The following DCAF8L2 variants were observed in gnomAD, a reference collection of about 807,000 sequenced individuals.
The protein encoded by DCAF8L2 is DDB1- and CUL4-associated factor 8-like protein 2.
For missense variants in DCAF8L2, 430 were observed against 490.7 expected (o/e 0.88, Z 1.17); for synonymous variants, 200 against 190.9 (o/e 1.05, Z -0.39).
At chrX:27,728,219 C>T (rs1235751748) in intron 4 of DCAF8L2, among the ~76,000 whole-genome samples, 2 of 111,517 alleles carry the variant, frequency 1.8e-5, no homozygotes, top group Non-Finnish European at 3.8e-5. Context: ...CCTTTTACCC[C>T]CTGCGTGAAT....
At chrX:27,487,952 A>G in the DCAF8L2 span, among the ~76,000 whole-genome samples, 1 of 112,261 alleles carries the variant, frequency 8.9e-6, no homozygotes. Flanking sequence ...GGACTTGGCT[A>G]TTATGAATAA....
intron 1 of DCAF8L2, among the ~76,000 whole-genome samples, chrX:27,614,875 A>G (rs751174316): frequency 1.8e-5 from 2 of 111,086 alleles, no homozygotes; most frequent in South Asian, 7.6e-4. Flanking sequence ...ATTTCCAACT[A>G]TGTGGTCAAT....
chrX:27,500,902 G>A, the DCAF8L2 span, among the ~76,000 whole-genome samples: 9 of 111,154 alleles, frequency 8.1e-5, no homozygotes, highest in East Asian at 2.6e-3. Context: ...TTGAGAGAAG[G>A]GAGTTTGTTT....
rs1555930604 is a variant in DCAF8L2, at chrX:27,704,179, T to TAC, written c.-142-11899_-142-11898dup. 4.7e-5 allele frequency among the ~76,000 whole-genome samples: 4 copies of TAC among 85,547 alleles called. 1 individual carries two copies. The highest frequency in any genetic ancestry group is 9.7e-5 in the African/African-American group (2 of 20,706). 74.3% of individuals were successfully genotyped at this position (85,547 alleles called of 115,157 possible). On this transcript the variant is annotated intron_variant, in intron 3 of 4. Coordinates refer to ENST00000451261, the MANE Select transcript of DCAF8L2 (RefSeq NM_001353450.2). ...GTATATATATATATATATATACATA[T>TAC]ACACACACACATATGTATATACACA...
chrX:27,740,606 T>C lies in DCAF8L2; in HGVS notation c.-58-6232T>C, dbSNP rs1362413283. On this transcript the variant is annotated intron_variant, in intron 4 of 4. Transcript: ENST00000451261. The stretch of plus-strand genomic sequence containing the variant: ...TCTCCCTAAAGCTTGCTTGTACTGC[T>C]TCAATCACAGCCTCCTTGAAGTTCC... Among the ~76,000 whole-genome samples the C allele has an allele frequency of 4.5e-5, 5 of 111,889 alleles. No individual in the cohort carries two copies. The Admixed American group carries it at 4.7e-4, about 11-fold the overall frequency.
the DCAF8L2 span, among the ~76,000 whole-genome samples, chrX:27,562,784 A>G: frequency 8.9e-6 from 1 of 112,051 alleles, no homozygotes; most frequent in Non-Finnish European, 1.9e-5. Flanking sequence ...TGCGACTTTG[A>G]TAAAGGTATT....
the DCAF8L2 span, among the ~76,000 whole-genome samples, chrX:27,498,022 A>G: frequency 8.9e-6 from 1 of 112,450 alleles, no homozygotes; most frequent in African/African-American, 3.2e-5. Context: ...GCTAAATACT[A>G]TTCCATTGTG....
the DCAF8L2 span, among the ~76,000 whole-genome samples, chrX:27,472,534 C>T: frequency 9.0e-6 from 1 of 111,224 alleles, no homozygotes; most frequent in African/African-American, 3.3e-5. Context: ...TGTCCTGATG[C>T]TCTCCCTCCC....
chrX:27,502,333 AAAATATATATATATATAT>A, the DCAF8L2 span, among the ~76,000 whole-genome samples: 117 of 23,310 alleles, frequency 5.0e-3, 4 homozygotes, highest in African/African-American at 0.013. Context: ...AAAAAAAAAA[AAAATATATATATATATAT>A]ATATATATAT....
intron 2 of DCAF8L2, among the ~76,000 whole-genome samples, chrX:27,659,363 T>G (rs1228304701): frequency 8.9e-6 from 1 of 111,957 alleles, no homozygotes; most frequent in African/African-American, 3.3e-5. Context: ...CTTGCTGAGC[T>G]AGGGGTAGGG....
chrX:27,729,182 A>G (rs1208915469), intron 4 of DCAF8L2, among the ~76,000 whole-genome samples: 1 of 111,844 alleles, frequency 8.9e-6, no homozygotes, highest in Non-Finnish European at 1.9e-5. Context: ...TAGCAAGACG[A>G]AAGTGGGGAG....
At chrX:27,586,125 C>T (rs1925898431), upstream of DCAF8L2, among the ~76,000 whole-genome samples, 1 of 110,995 alleles carries the variant, frequency 9.0e-6, no homozygotes, top group African/African-American at 3.3e-5. Flanking sequence ...GCTCCAAACT[C>T]CACTGCTAAC....
At chrX:27,682,994 A>G (rs933120617) in intron 3 of DCAF8L2, among the ~76,000 whole-genome samples, 1 of 111,086 alleles carries the variant, frequency 9.0e-6, no homozygotes, top group African/African-American at 3.3e-5. Flanking sequence ...TCACATAAAC[A>G]TGTAACAGTT....
At chrX:27,690,724 C>T (rs750658564) in intron 3 of DCAF8L2, among the ~76,000 whole-genome samples, 1 of 111,464 alleles carries the variant, frequency 9.0e-6, no homozygotes, top group African/African-American at 3.3e-5. Context: ...TTGTTTCTAC[C>T]GTGCCCTTCA....
At position 27,748,400 on chromosome X, in the gene DCAF8L2, G is replaced by C; in HGVS notation, c.1505G>C (p.Cys502Ser). Residue 502 changes from cysteine (C) to serine (S), a missense_variant, in exon 5 of 5, where the codon TGC becomes TCC. Coordinates refer to ENST00000451261, the MANE Select transcript of DCAF8L2 (RefSeq NM_001353450.2). ...GHIFFWEKSS[C>S]QIIQFLKGSR... is the part of the protein sequence containing the mutation. The stretch of plus-strand genomic sequence containing the variant: ...ATCTTCTTCTGGGAGAAATCATCCT[G>C]CCAAATCATCCAGTTCCTAAAGGGG... The C allele has an allele frequency of 8.3e-7, 1 of 1,202,003 alleles. No individual in the cohort carries two copies. The highest frequency in any genetic ancestry group is 1.1e-6 in the Non-Finnish European group (1 of 889,906).
intron 4 of DCAF8L2, among the ~76,000 whole-genome samples, chrX:27,739,591 T>C (rs951230043): frequency 8.9e-6 from 1 of 111,981 alleles, no homozygotes; most frequent in African/African-American, 3.2e-5. Context: ...TAATGACTTC[T>C]AAATTTATAT....
At chrX:27,694,759 A>G (rs890184874) in intron 3 of DCAF8L2, among the ~76,000 whole-genome samples, 9 of 112,054 alleles carry the variant, frequency 8.0e-5, no homozygotes, top group Non-Finnish European at 1.1e-4. Flanking sequence ...ACTTTCAGGT[A>G]TCCAAGGATA....
chrX:27,481,344 C>T, the DCAF8L2 span, among the ~76,000 whole-genome samples: 1 of 110,796 alleles, frequency 9.0e-6, no homozygotes, highest in South Asian at 3.8e-4. Flanking sequence ...CACCATTGCA[C>T]TCCAGCCTGG....
At chrX:27,671,320 A>G (rs1481202812) in intron 2 of DCAF8L2, among the ~76,000 whole-genome samples, 2 of 112,025 alleles carry the variant, frequency 1.8e-5, no homozygotes, top group Non-Finnish European at 3.8e-5. Context: ...TTTTTCACCA[A>G]ATTCATCTTT....
Sources: allele counts gnomAD v4.1 joint callset (sites outside exome capture counted in the v4.1 genomes callset), GRCh38; gene constraint gnomAD v4.1.1; transcripts MANE v1.5; gene names NCBI Gene and HGNC (gene_info 2026-07-23, HGNC 2026-07-21).